Variants in PRC1 observed in about 807,000 individuals in gnomAD.
The protein encoded by PRC1 is protein regulator of cytokinesis 1.
In PRC1, 54 loss-of-function variants were observed where a neutral mutation model predicts 91.2. That is an observed-to-expected ratio of 0.59 (90% confidence interval 0.48 to 0.74). The LOEUF (loss-of-function observed/expected upper bound fraction) is 0.74. Among genes scored for constraint, PRC1 ranks in the 30% least tolerant of loss-of-function variants. The pLI is 0.00. For synonymous variants in PRC1, 275 were observed against 263.6 expected (o/e 1.04, Z -0.42); for missense variants, 727 against 746.2 (o/e 0.97, Z 0.30).
intron 14 of PRC1, chr15:90,967,775 T>G (rs533104614): frequency 1.1e-6 from 1 of 917,456 alleles, no homozygotes; most frequent in Admixed American, 6.2e-5. Context: ...CACTCTGATA[T>G]GTGCACAATG....
chr15:90,990,212 T>C (rs2039883663), intron 1 of PRC1, among the ~76,000 whole-genome samples: 1 of 151,734 alleles, frequency 6.6e-6, no homozygotes, highest in African/African-American at 2.4e-5. Flanking sequence ...GGTGGGCACC[T>C]GTAATCTCAG....
chr15:90,987,109 TA>T (rs34262021), intron 1 of PRC1, among the ~76,000 whole-genome samples: 46,373 of 124,954 alleles, frequency 0.37, 9,501 homozygotes, highest in African/African-American at 0.58. Context: ...CTCTGCGTCT[TA>T]AAAAAAAAAA....
chr15:90,984,824 C>G lies in PRC1; in HGVS notation c.13G>C (p.Glu5Gln), dbSNP rs746816579. Residue 5 changes from glutamate to glutamine, a missense_variant and splice_region_variant, in exon 2 of 15, where the codon GAG becomes CAG. By Grantham distance (29) the Glu-to-Gln change is conservative. Coordinates refer to ENST00000394249, the MANE Select transcript of PRC1 (RefSeq NM_003981.4). This position sits in a 1 kb window ranked among gnomAD's most constrained non-coding sequence, Gnocchi z 5.1. ...ACTATGGACTCCTCCGCCAGCACCT[C>G]ACTGAAAACCAAAAACTAAGGCCTG... MRRS[E>Q]VLAEESIVCL... The G allele has an allele frequency of 6.2e-7, 1 of 1,614,000 alleles. No homozygotes were observed.
Position 90,994,477 on chromosome 15 carries a change from G to A in PRC1, c.-60C>T, listed in dbSNP as rs1356238657. The A allele has an allele frequency of 2.5e-6, 4 of 1,571,534 alleles. No homozygotes were observed. The highest frequency in any genetic ancestry group is 1.4e-5 in the African/African-American group (1 of 72,206). On this transcript the variant is annotated 5_prime_UTR_variant, in exon 1 of 15. Transcript: ENST00000394249. ...AGACCTACTCCACACGGCCCCGAGA[G>A]CAACAACCACCCGCAAACACCGGCG...
chr15:90,981,047 A>T lies in PRC1; in HGVS notation c.673-14T>A. The T allele has an allele frequency of 6.2e-7, 1 of 1,613,792 alleles. No homozygotes were observed. Among genetic ancestry groups the T allele is most frequent in the Non-Finnish European group, 8.5e-7 (1 of 1,179,926 alleles). ...CTGCATTTCCAGCTACAGCATAGAA[A>T]GCCAGTGTCACTCACGGCAAAGCAG... On this transcript the variant is annotated splice_polypyrimidine_tract_variant and intron_variant, in intron 5 of 14. Transcript: ENST00000394249.
At chr15:90,981,183 C>CTGTAA (rs2039166749) in intron 5 of PRC1, 150 bp from the exon 6 acceptor site, 2 of 1,051,084 alleles carry the variant, frequency 1.9e-6, no homozygotes, top group African/African-American at 3.2e-5. Flanking sequence ...TAAACACGAG[C>CTGTAA]TGTAAGGCTG....
In PRC1 at chr15:90,978,765, A is replaced by C. The variant is rs796855237; in HGVS notation, c.1107+393T>G. Among the ~76,000 whole-genome samples the C allele has an allele frequency of 6.3e-3, 930 of 146,682 alleles. 31 individuals carry two copies. Among genetic ancestry groups the C allele is most frequent in the African/African-American group, 0.024 (904 of 37,692 alleles). ...CGAAACTCCACCTCAAAAAAAAAAA[A>C]AAAAAAAAAAAAAGTGCCATCAGGG... On this transcript the variant is annotated intron_variant, in intron 8 of 14. Transcript: ENST00000394249.
rs35404872 is a variant in PRC1, at chr15:90,991,423, C to CA, written c.11+2983dup. Among the ~76,000 whole-genome samples, 560 of 131,952 alleles carry CA rather than the reference C, an allele frequency of 4.2e-3. 2 individuals are homozygous for CA. Among genetic ancestry groups the CA allele is most frequent in the African/African-American group, 0.012 (431 of 35,782 alleles). The allele number at this position is 131,952 out of a possible 152,430, so 86.6% of individuals were successfully genotyped here. ...CTGGGCAACAGAGCAAGACTGTCTC[C>CA]AAAAAAAAAAAGAAATAAAAATTTT... On this transcript the variant is annotated intron_variant, in intron 1 of 14. Transcript: ENST00000394249.
chr15:90,989,119 G>C (rs766338280), intron 1 of PRC1, among the ~76,000 whole-genome samples: 5 of 152,034 alleles, frequency 3.3e-5, no homozygotes, highest in Admixed American at 6.6e-5. Context: ...TAGCCAACAG[G>C]ATGGTATAAT....
chr15:90,992,811 T>C lies in PRC1; in HGVS notation c.11+1596A>G, dbSNP rs529926400. Among the ~76,000 whole-genome samples, 4 of 152,094 alleles carry C rather than the reference T, an allele frequency of 2.6e-5. No homozygotes were observed. In the East Asian group the frequency reaches 5.8e-4, roughly 22 times the overall value. ...GAGTCAGTTTTTCCAGTCTTGAACA[T>C]AAATCACTGGACTGGAAGGTATCTC... On this transcript the variant is annotated intron_variant, in intron 1 of 14. Coordinates refer to ENST00000394249, the MANE Select transcript of PRC1 (RefSeq NM_003981.4).
chr15:90,980,478 T>A, intron 6 of PRC1, 89 bp from the exon 7 acceptor site: 1 of 1,341,718 alleles, frequency 7.5e-7, no homozygotes, highest in Non-Finnish European at 1.0e-6. Context: ...AGTAAAATTA[T>A]AATGCAAAGC....
At chr15:90,980,469 G>T in intron 6 of PRC1, 80 bp from the exon 7 acceptor site, 588 of 1,071,846 alleles carry the variant, frequency 5.5e-4, no homozygotes, top group Non-Finnish European at 6.8e-4. Flanking sequence ...CCCCTTTTAA[G>T]TAAAATTATA....
Position 90,981,516 on chromosome 15 carries a change from G to T in PRC1, c.655C>A (p.Gln219Lys). 6.2e-7 allele frequency: 1 copy of T among 1,613,836 alleles called. No individual in the cohort carries two copies. Among genetic ancestry groups the T allele is most frequent in the Non-Finnish European group, 8.5e-7 (1 of 1,180,020 alleles). Residue 219 changes from glutamine (Q) to lysine (K), a missense_variant, in exon 5 of 15, where the codon CAA becomes AAA. By Grantham distance (53) the Gln-to-Lys change is moderately conservative (BLOSUM62 1). Transcript: ENST00000394249. ...GACAGTACCTGCCGTAGCAACTTTT[G>T]TAGTGTTGCAATATTCTCCAAAGAC... ...CLSLENIATL[Q>K]KLLRQLEMQK...
chr15:90,974,170 C>A lies in PRC1; in HGVS notation c.1427G>T (p.Gly476Val), dbSNP rs200154749. The change falls in exon 11 of 15, where the codon GGA (glycine) becomes GTA (valine). Residue 476 changes from glycine to valine, a missense_variant. Physicochemically the swap from Gly to Val is moderately radical, Grantham distance 109 (BLOSUM62 -3). Transcript: ENST00000394249. The surrounding 1 kb of genome is among the most constrained non-coding windows in gnomAD (Gnocchi z 4.6). ...SAPRTPSKRR[G>V]LAPNTPGKAR... is the part of the protein sequence containing the mutation. ...TTTGCCCGGTGTATTGGGAGCCAGT[C>A]CTCGCCGCTTGCTAGGTGTTCGAGG... 6.2e-7 allele frequency: 1 copy of A among 1,614,188 alleles called. No homozygotes were observed. The highest frequency in any genetic ancestry group is 1.1e-5 in the South Asian group (1 of 91,080).
intron 7 of PRC1, 114 bp downstream of exon 7, chr15:90,980,128 T>C: frequency 7.4e-7 from 1 of 1,349,016 alleles, no homozygotes; most frequent in Non-Finnish European, 9.8e-7. Context: ...GCCCAACACT[T>C]TGGGAGGCCA....
At chr15:90,969,408 C>T (rs1395866894) in intron 13 of PRC1, 39 bp downstream of exon 13, 1 of 1,554,952 alleles carries the variant, frequency 6.4e-7, no homozygotes, top group Non-Finnish European at 8.7e-7. Flanking sequence ...CAACTGTGTG[C>T]TCCCCAGAGA....
chr15:90,983,892 T>C (rs1172945988), intron 3 of PRC1, 126 bp downstream of exon 3: 26 of 1,287,176 alleles, frequency 2.0e-5, no homozygotes, highest in Non-Finnish European at 2.4e-5. Flanking sequence ...CAGCATGTTT[T>C]CCCCACTTCT....
chr15:90,980,400 G>GA lies in PRC1; in HGVS notation c.823-12dup, dbSNP rs2039083400. ...CACTTCTAATTGCAGCTGAAAGAAA[G>GA]AAACTTGTTAAGGGTGGCTGCCATA... is the stretch of plus-strand genomic sequence containing the variant. On this transcript the variant is annotated splice_polypyrimidine_tract_variant and intron_variant, in intron 6 of 14. Transcript: ENST00000394249. The GA allele has an allele frequency of 5.6e-6, 9 of 1,607,810 alleles. No homozygotes were observed. The highest frequency in any genetic ancestry group is 1.7e-5 in the Admixed American group (1 of 59,284).
In PRC1 at chr15:90,969,108, G is replaced by C; in HGVS notation, c.1762C>G (p.Leu588Val). 1 of 1,613,676 alleles carries C rather than the reference G, an allele frequency of 6.2e-7. No homozygotes were observed. Among genetic ancestry groups the C allele is most frequent in the South Asian group, 1.1e-5 (1 of 91,054 alleles). ...TYSEFAKDPS[L>V]SDSSTVGLQR... ...AGCCCAACAGTGGAACTGTCAGAGAGGGACGGATCCTTCTAAGAACAAAGA... is the reference window on the plus strand; with the variant it reads ...AGCCCAACAGTGGAACTGTCAGAGACGGACGGATCCTTCTAAGAACAAAGA... The change falls in exon 14 of 15, where the codon CTC becomes GTC. Residue 588 changes from leucine to valine, a missense_variant. Coordinates refer to ENST00000394249, the MANE Select transcript of PRC1 (RefSeq NM_003981.4).
Sources: gnomAD v4.1 joint callset for allele counts (sites outside exome capture counted in the v4.1 genomes callset) on GRCh38, gnomAD v4.1.1 for gene constraint, Gnocchi (gnomAD v3.1) non-coding constraint, MANE v1.5 for transcripts, NCBI Gene and HGNC (gene_info 2026-07-23, HGNC 2026-07-21) for gene names.